Variants in CNOT1 observed in about 807,000 individuals in gnomAD.
The protein encoded by CNOT1 is CCR4-associated factor 1.
CNOT1 carries 15 observed loss-of-function variants against 273.8 expected under a neutral mutation model. The observed-to-expected ratio is 0.05, with a 90% CI of 0.04 to 0.08. CNOT1 has a LOEUF of 0.08. Among genes scored for constraint, CNOT1 ranks in the 10% least tolerant of loss-of-function variants. CNOT1 has a pLI of 1.00. For synonymous variants in CNOT1, 1,022 were observed against 1,005.5 expected, an observed-to-expected ratio of 1.02 and a Z score of -0.31; for missense variants, 1,644 against 2,912.2, an observed-to-expected ratio of 0.56 and a Z score of 10.02.
Position 58,520,997 on chromosome 16 carries a change from C to T in CNOT1, c.7092G>A (p.Lys2364=). Residue 2364 remains lysine, a synonymous_variant, in exon 49 of 49, where the codon AAG becomes AAA. Coordinates refer to ENST00000317147, the MANE Select transcript of CNOT1 (RefSeq NM_016284.5). ...QSVAQCCMGQ[K]QAQQVMEGTG... ...TCCCTTCCATTACTTGCTGGGCCTG[C>T]TTCTGTCCCATGCAGCACTGTGCGA... 1 of 1,614,060 alleles carries T rather than the reference C, an allele frequency of 6.2e-7. No individual in the cohort carries two copies. The highest frequency in any genetic ancestry group is 8.5e-7 in the Non-Finnish European group (1 of 1,180,036).
intron 1 of CNOT1, among the ~76,000 whole-genome samples, chr16:58,614,211 TCACTGTAGAAGAGAGGTAA>T: frequency 8.1e-6 from 1 of 123,574 alleles, no homozygotes; most frequent in East Asian, 2.0e-4. Context: ...TTCACCTCAC[TCACTGTAGAAGAGAGGTAA>T]CATAGATGGC....
intron 34 of CNOT1, 90 bp from the exon 35 acceptor site, chr16:58,540,049 G>A: frequency 7.8e-7 from 1 of 1,277,538 alleles, no homozygotes; most frequent in Admixed American, 2.4e-5. Context: ...CTACTAGTAT[G>A]TTTACTCCCT....
At chr16:58,528,003 C>T in intron 44 of CNOT1, 1 of 357,426 alleles carries the variant, frequency 2.8e-6, no homozygotes, top group Non-Finnish European at 5.5e-6. Flanking sequence ...ATCCCAGCTA[C>T]TTGGGAGGCT....
chr16:58,532,598 C>T, intron 40 of CNOT1: 1 of 857,994 alleles, frequency 1.2e-6, no homozygotes, highest in East Asian at 2.8e-5. Context: ...TGTTTCTTTG[C>T]ATTTCAACAT....
chr16:58,580,481 C>T, intron 12 of CNOT1, 152 bp downstream of exon 12: 9 of 1,249,958 alleles, frequency 7.2e-6, no homozygotes, highest in South Asian at 2.0e-5. Flanking sequence ...AATTTATCTA[C>T]CAACCCCCTC....
At chr16:58,568,140 G>A (rs571431461) in intron 16 of CNOT1, among the ~76,000 whole-genome samples, 1 of 151,886 alleles carries the variant, frequency 6.6e-6, no homozygotes, top group Admixed American at 6.6e-5. Context: ...TGGGAGGCGG[G>A]CGAATCACCT....
chr16:58,626,245 T>C (rs1030572166), intron 1 of CNOT1, among the ~76,000 whole-genome samples: 4 of 150,606 alleles, frequency 2.7e-5, no homozygotes, highest in Non-Finnish European at 4.4e-5. Flanking sequence ...TCTTCTCTAC[T>C]AAAAATACAA....
At chr16:58,624,316 T>C (rs567740229) in intron 1 of CNOT1, among the ~76,000 whole-genome samples, 148 of 152,292 alleles carry the variant, frequency 9.7e-4, no homozygotes, top group South Asian at 2.1e-4. Context: ...TGTGAGAATA[T>C]ACTGGAAGAA....
chr16:58,600,069 A>G (rs373793090), intron 1 of CNOT1, among the ~76,000 whole-genome samples: 102 of 150,932 alleles, frequency 6.8e-4, no homozygotes, highest in African/African-American at 2.4e-3. Flanking sequence ...AACTTGGGGG[A>G]AAAAAAAATA....
rs751574536 is a variant in CNOT1, at chr16:58,599,302, T to C, written c.36A>G (p.Gln12=). ...TTAAATTGTCCACCAGGTAGCTGATTTGAGACAAGGCCAGCGAGAGCGAGT... is the reference window on the plus strand; with the variant it reads ...TTAAATTGTCCACCAGGTAGCTGATCTGAGACAAGGCCAGCGAGAGCGAGT... The part of the protein sequence containing the change: ...NLDSLSLALS[Q]ISYLVDNLTK... Residue 12 remains glutamine (Q), a synonymous_variant, in exon 2 of 49, where the codon CAA becomes CAG. Coordinates refer to ENST00000317147, the MANE Select transcript of CNOT1 (RefSeq NM_016284.5). The C allele has an allele frequency of 3.1e-6, 5 of 1,614,096 alleles. No individual in the cohort carries two copies. Among genetic ancestry groups the C allele is most frequent in the Non-Finnish European group, 4.2e-6 (5 of 1,180,038 alleles).
chr16:58,628,184 T>G (rs1293109499), intron 1 of CNOT1, among the ~76,000 whole-genome samples: 2 of 152,186 alleles, frequency 1.3e-5, no homozygotes, highest in Non-Finnish European at 2.9e-5. Flanking sequence ...GAAAAGGAAC[T>G]AACTCTCCAA....
chr16:58,578,606 TA>T (rs35176616), intron 13 of CNOT1, 92 bp downstream of exon 13: 62 of 1,493,204 alleles, frequency 4.2e-5, no homozygotes, highest in South Asian at 1.4e-4. Flanking sequence ...TTCAGAGATG[TA>T]AAAAAAAATT....
chr16:58,550,578 T>C (rs1173963308), intron 24 of CNOT1, among the ~76,000 whole-genome samples: 3 of 152,184 alleles, frequency 2.0e-5, no homozygotes, highest in African/African-American at 7.2e-5. Context: ...ATTATATGCA[T>C]ATAAGATAGG....
Position 58,574,715 on chromosome 16 carries a change from G to C in CNOT1, c.1873C>G (p.Pro625Ala). ...GGGGCAAGTCCGCCCAAAATAGAAG[G>C]ACACCGTCTCTTTAAAAAAGTCATA... ...ACMTFLKRRC[P>A]SILGGLAPEK... Residue 625 changes from proline (P) to alanine (A), a missense_variant, in exon 16 of 49, where the codon CCT (proline) becomes GCT (alanine). Around this residue, in one of 13 missense-constraint regions of CNOT1, gnomAD observed 706 missense variants for 1,021.2 expected, o/e 0.69. Coordinates refer to ENST00000317147, the MANE Select transcript of CNOT1 (RefSeq NM_016284.5). The C allele has an allele frequency of 6.2e-7, 1 of 1,606,672 alleles. No homozygotes were observed. Among genetic ancestry groups the C allele is most frequent in the African/African-American group, 1.3e-5 (1 of 74,222 alleles).
chr16:58,533,452 T>C (rs1454935408), intron 40 of CNOT1, among the ~76,000 whole-genome samples: 1 of 151,946 alleles, frequency 6.6e-6, no homozygotes, highest in African/African-American at 2.4e-5. Context: ...CTGGCTAACA[T>C]GGTGAAACCC....
chr16:58,592,457 AG>A (rs2042095856), intron 2 of CNOT1, among the ~76,000 whole-genome samples: 1 of 152,200 alleles, frequency 6.6e-6, no homozygotes, highest in Non-Finnish European at 1.5e-5. Context: ...GCACAGCTAT[AG>A]TCCTAACTAC....
Position 58,547,306 on chromosome 16 carries a change from G to C in CNOT1, c.3640-10C>G, listed in dbSNP as rs1458189688. ...ATTTCACATCCAAGTCCTAGAATAA[G>C]AAAAATACTTTCAAAAGCGGGGAAT... On this transcript the variant is annotated splice_polypyrimidine_tract_variant and intron_variant, in intron 26 of 48. Transcript: ENST00000317147. This position sits in a 1 kb window ranked among gnomAD's most constrained non-coding sequence, Gnocchi z 4.0. 1 of 1,611,462 alleles carries C rather than the reference G, an allele frequency of 6.2e-7. No homozygotes were observed. Among genetic ancestry groups the C allele is most frequent in the Admixed American group, 1.7e-5 (1 of 59,490 alleles).
chr16:58,564,978 G>A (rs1188053810), intron 16 of CNOT1, among the ~76,000 whole-genome samples: 1 of 152,042 alleles, frequency 6.6e-6, no homozygotes. Context: ...GAAGTGGCAA[G>A]AATATTACAA....
chr16:58,588,019 C>T (rs554438592), intron 3 of CNOT1, 141 bp from the exon 4 acceptor site: 6 of 876,018 alleles, frequency 6.8e-6, no homozygotes, highest in Non-Finnish European at 1.0e-5. Flanking sequence ...AAAAATCTCG[C>T]CAGGTGCGGT....
Sources: gnomAD v4.1 joint callset for allele counts (sites outside exome capture counted in the v4.1 genomes callset) on GRCh38, gnomAD v4.1.1 for gene constraint, gnomAD v4.1.1 regional missense constraint, Gnocchi (gnomAD v3.1) non-coding constraint, MANE v1.5 for transcripts, NCBI Gene and HGNC (gene_info 2026-07-23, HGNC 2026-07-21) for gene names.